ZNF705A: variants seen among roughly 807,000 people sequenced by gnomAD.
ZNF705A encodes zinc finger protein 705A.
Under a neutral mutation model 16.6 loss-of-function variants are expected in ZNF705A, and 8 were observed. That is an observed-to-expected ratio of 0.48 (90% CI 0.28 to 0.87). The LOEUF is 0.87. Ranked by LOEUF, ZNF705A falls within the 40% of genes least tolerant of loss-of-function variation. The pLI is 0.10. For synonymous variants in ZNF705A, 73 were observed against 117.3 expected (o/e 0.62, Z 2.44); for missense variants, 233 against 359.9 (o/e 0.65, Z 2.85).
At chr12:8,157,340 G>T (rs1948317913) in intron 1 of ZNF705A, among the ~76,000 whole-genome samples, 1 of 152,132 alleles carries the variant, frequency 6.6e-6, no homozygotes, top group Admixed American at 6.6e-5. Flanking sequence ...TGAAACATGT[G>T]AATTGGATTT....
chr12:8,172,428 G>A, upstream of ZNF705A: 3 of 789,204 alleles, frequency 3.8e-6, no homozygotes, highest in Non-Finnish European at 6.4e-6. Flanking sequence ...GCCTCTGCGT[G>A]TTTGTGTCTG....
In ZNF705A at chr12:8,174,321, T is replaced by C. The variant is rs80091454; in HGVS notation, c.13-5T>C. The C allele has an allele frequency of 5.4e-4, 866 of 1,594,996 alleles. 13 individuals carry two copies. The East Asian group carries it at 0.018, about 34-fold the overall frequency. On this transcript the variant is annotated splice_polypyrimidine_tract_variant and splice_region_variant and intron_variant, in intron 1 of 4. Transcript: ENST00000359286. ...GTCTAAACTAAAATGTCTGTGATGTTTTAGAAGAAAGTGACTTTTGAAGAT... is the reference window on the plus strand; with the variant it reads ...GTCTAAACTAAAATGTCTGTGATGTCTTAGAAGAAAGTGACTTTTGAAGAT...
intron 1 of ZNF705A, among the ~76,000 whole-genome samples, chr12:8,158,574 T>G (rs1287307164): frequency 6.6e-6 from 1 of 152,022 alleles, no homozygotes; most frequent in Non-Finnish European, 1.5e-5. Context: ...TTCCTGGATT[T>G]GGCCTTTAAG....
At chr12:8,165,705 T>A (rs924081052) in intron 1 of ZNF705A, among the ~76,000 whole-genome samples, 8 of 152,062 alleles carry the variant, frequency 5.3e-5, no homozygotes, top group African/African-American at 1.9e-4. Flanking sequence ...GTCCCCAGTA[T>A]CTGTTGTTCC....
chr12:8,161,431 CT>C (rs1948353949), intron 1 of ZNF705A, among the ~76,000 whole-genome samples: 1 of 151,678 alleles, frequency 6.6e-6, no homozygotes, highest in Non-Finnish European at 1.5e-5. Flanking sequence ...TTCATCTGGA[CT>C]TTTTTTTGTT....
At chr12:8,161,442 T>A (rs1468121063) in intron 1 of ZNF705A, among the ~76,000 whole-genome samples, 2 of 152,160 alleles carry the variant, frequency 1.3e-5, no homozygotes, top group African/African-American at 4.8e-5. Context: ...TTTTTTTTGT[T>A]GGTAATTTTT....
chr12:8,159,790 G>C (rs983113686), intron 1 of ZNF705A, among the ~76,000 whole-genome samples: 1 of 152,106 alleles, frequency 6.6e-6, no homozygotes, highest in Non-Finnish European at 1.5e-5. Flanking sequence ...TTACTCTACT[G>C]ACTGTTCCTT....
exon 5 of ZNF705A, chr12:8,178,229 G>A (rs773065560): frequency 4.0e-4 from 61 of 153,816 alleles, no homozygotes; most frequent in Non-Finnish European, 7.5e-4. Context: ...TGGAAAATAA[G>A]AGAGGAAAGC....
chr12:8,179,022 A>C (rs1364230769), exon 5 of ZNF705A: 8 of 152,206 alleles, frequency 5.3e-5, no homozygotes, highest in Admixed American at 3.3e-4. Flanking sequence ...GTGTCATTGC[A>C]TAGATTTAGC....
Position 8,172,543 on chromosome 12 carries a change from C to T in ZNF705A, c.-83C>T. The T allele has an allele frequency of 6.3e-7, 1 of 1,575,536 alleles. No individual in the cohort carries two copies. Among genetic ancestry groups the T allele is most frequent in the African/African-American group, 1.3e-5 (1 of 74,256 alleles). On this transcript the variant is annotated 5_prime_UTR_variant, in exon 1 of 5. Transcript: ENST00000359286. Reference sequence around the variant, plus strand: ...AAGACTGCTGTCTCACATGTTCTTTCTCCAACCTCAGCTTTTCTTAGTGCC... The same window carrying T: ...AAGACTGCTGTCTCACATGTTCTTTTTCCAACCTCAGCTTTTCTTAGTGCC...
chr12:8,172,857 G>T (rs762405957), intron 1 of ZNF705A, among the ~76,000 whole-genome samples: 1 of 152,264 alleles, frequency 6.6e-6, no homozygotes, highest in South Asian at 2.1e-4. Context: ...GGGGTATCGT[G>T]TGTCAAAGAC....
At chr12:8,162,437 G>C (rs563644611) in intron 1 of ZNF705A, among the ~76,000 whole-genome samples, 19 of 152,178 alleles carry the variant, frequency 1.2e-4, no homozygotes, top group Non-Finnish European at 2.4e-4. Flanking sequence ...CCGAAACTTA[G>C]TCTATAGAGA....
At chr12:8,159,735 T>C (rs780586218) in intron 1 of ZNF705A, among the ~76,000 whole-genome samples, 3 of 152,180 alleles carry the variant, frequency 2.0e-5, no homozygotes, top group Non-Finnish European at 4.4e-5. Context: ...TAGTCCTTTG[T>C]TGGATGTATA....
chr12:8,172,950 AG>A (rs1948456525), intron 1 of ZNF705A, among the ~76,000 whole-genome samples: 1 of 152,232 alleles, frequency 6.6e-6, no homozygotes, highest in East Asian at 1.9e-4. Flanking sequence ...AAGATATGAG[AG>A]GTTTCATTTA....
upstream of ZNF705A, among the ~76,000 whole-genome samples, chr12:8,169,466 T>C (rs745960197): frequency 1.4e-4 from 22 of 152,364 alleles, no homozygotes; most frequent in African/African-American, 5.3e-4. Context: ...GGTTTCATAC[T>C]TTAAAAAAAT....
At chr12:8,166,171 C>G (rs1250704220) in intron 1 of ZNF705A, among the ~76,000 whole-genome samples, 8 of 152,134 alleles carry the variant, frequency 5.3e-5, no homozygotes, top group Non-Finnish European at 8.8e-5. Flanking sequence ...AGGCAGTGCC[C>G]CAGTGTGGAC....
chr12:8,176,915 T>C (rs1948488162), intron 4 of ZNF705A, 84 bp from the exon 6 acceptor site: 3 of 1,557,244 alleles, frequency 1.9e-6, no homozygotes, highest in Non-Finnish European at 2.6e-6. Context: ...CACTGAATGT[T>C]TGGTCTAGGA....
At chr12:8,164,983 C>T (rs929286023) in intron 1 of ZNF705A, among the ~76,000 whole-genome samples, 1 of 152,128 alleles carries the variant, frequency 6.6e-6, no homozygotes, top group Admixed American at 6.5e-5. Flanking sequence ...ATCTCAACGG[C>T]CTCATCAGCA....
In ZNF705A at chr12:8,174,371, G is replaced by T; in HGVS notation, c.58G>T (p.Glu20Ter). The T allele has an allele frequency of 1.3e-6, 2 of 1,596,998 alleles. No homozygotes were observed. Among genetic ancestry groups the T allele is most frequent in the Non-Finnish European group, 8.5e-7 (1 of 1,179,340 alleles). Residue 20 changes from glutamate (E) to a stop codon, truncating the protein, a stop_gained, in exon 2 of 5, where the codon GAG becomes TAG. Coordinates refer to ENST00000359286, the Ensembl canonical transcript of ZNF705A. LOFTEE classifies it high-confidence loss of function. ...TGTAGCTATTGACTTCACCCAGGAA[G>T]AGTGGGCCATGATGGACACATCCAA...
Sources: gnomAD v4.1 joint callset for allele counts (sites outside exome capture counted in the v4.1 genomes callset) on GRCh38, gnomAD v4.1.1 for gene constraint, MANE v1.5 for transcripts, NCBI Gene and HGNC (gene_info 2026-07-23, HGNC 2026-07-21) for gene names.